NAV2: variants seen among roughly 807,000 people sequenced by gnomAD.
The protein encoded by NAV2 is neuron navigator 2.
In NAV2, 54 loss-of-function variants were observed where a neutral mutation model predicts 223.2. The ratio of observed to expected loss-of-function variants is 0.24; its 90% CI spans 0.19 to 0.30. The LOEUF (loss-of-function observed/expected upper bound fraction) is 0.30, where lower values mean the gene tolerates loss of function less well. Ranked by LOEUF, NAV2 falls within the 10% of genes least tolerant of loss-of-function variation. NAV2 has a pLI of 1.00. For synonymous variants in NAV2, 1,279 were observed against 1,239.3 expected, an observed-to-expected ratio of 1.03 and a Z score of -0.67; for missense variants, 2,806 against 3,147.5, an observed-to-expected ratio of 0.89 and a Z score of 2.60.
At chr11:19,354,698 G>T (rs761849929) in intron 1 of NAV2, among the ~76,000 whole-genome samples, 1 of 152,246 alleles carries the variant, frequency 6.6e-6, no homozygotes, top group Non-Finnish European at 1.5e-5. Flanking sequence ...AGCCACAGAT[G>T]CATAAGGTAT....
In NAV2 at chr11:19,998,570, T is replaced by C. The variant is rs2052187661; in HGVS notation, c.2768+14323T>C. Among the ~76,000 whole-genome samples, 1 of 152,164 alleles carries C rather than the reference T, an allele frequency of 6.6e-6. No individual in the cohort carries two copies. The highest frequency in any genetic ancestry group is 2.1e-4 in the South Asian group (1 of 4,834). On this transcript the variant is annotated intron_variant, in intron 11 of 37. Transcript: ENST00000349880. The surrounding 1 kb of genome is among the most constrained non-coding windows in gnomAD (Gnocchi z 5.0). Reference sequence around the variant, plus strand: ...CCAAGGGGGTGTGTGTTCTGGCCCCTGCGCACCTCTCCAGCCTCACCTCAT... The same window carrying C: ...CCAAGGGGGTGTGTGTTCTGGCCCCCGCGCACCTCTCCAGCCTCACCTCAT...
At chr11:19,736,990 C>G (rs145227634) in intron 1 of NAV2, among the ~76,000 whole-genome samples, 2 of 152,378 alleles carry the variant, frequency 1.3e-5, no homozygotes, top group African/African-American at 4.8e-5. Context: ...CACACAATCT[C>G]ATGAAAGAAC....
chr11:19,559,790 G>A (rs1304013454), intron 1 of NAV2, among the ~76,000 whole-genome samples: 3 of 152,124 alleles, frequency 2.0e-5, no homozygotes, highest in Non-Finnish European at 2.9e-5. Flanking sequence ...TGCTTTCTTC[G>A]GAAGCTTCTG....
rs114899877 is a variant in NAV2, at chr11:19,930,266, C to T, written c.932-2910C>T. 3.9e-3 allele frequency among the ~76,000 whole-genome samples: 601 copies of T among 152,170 alleles called. 4 individuals carry two copies. The highest frequency in any genetic ancestry group is 0.014 in the African/African-American group (571 of 41,518). ...GCCAAGTATCTGTTTTCTTCTGGGT[C>T]AGTTATTAGCTACTTAGTTGGTTAA... On this transcript the variant is annotated intron_variant, in intron 6 of 37. Transcript: ENST00000349880.
chr11:19,734,766 C>T (rs555951970), intron 1 of NAV2, among the ~76,000 whole-genome samples: 1 of 152,184 alleles, frequency 6.6e-6, no homozygotes, highest in Admixed American at 6.5e-5. Context: ...TTCACACCAG[C>T]AGTGCCTGGA....
At chr11:19,358,155 T>C (rs1170370002) in intron 1 of NAV2, among the ~76,000 whole-genome samples, 3 of 152,112 alleles carry the variant, frequency 2.0e-5, no homozygotes, top group Non-Finnish European at 4.4e-5. Context: ...TTCTCATTGG[T>C]ATAATTAGAA....
intron 1 of NAV2, among the ~76,000 whole-genome samples, chr11:19,541,005 C>A (rs1350222376): frequency 1.3e-5 from 2 of 152,200 alleles, no homozygotes; most frequent in Non-Finnish European, 2.9e-5. Context: ...AGAAATCCTG[C>A]AGGAAAGAAT....
At position 19,556,061 on chromosome 11, in the gene NAV2, G is replaced by T. The variant is rs369889752; in HGVS notation, c.75+205034G>T. ...TTCACTCTTCTTCAATCCTCCATGTGCTGATTCCATGTGCTTGCAGCTCCC... is the reference window on the plus strand; with the variant it reads ...TTCACTCTTCTTCAATCCTCCATGTTCTGATTCCATGTGCTTGCAGCTCCC... On this transcript the variant is annotated intron_variant, in intron 1 of 37. Transcript: ENST00000360655. Among the ~76,000 whole-genome samples, 39 of 152,170 alleles carry T rather than the reference G, an allele frequency of 2.6e-4. 1 individual carries two copies. In the South Asian group the frequency reaches 5.8e-3, roughly 23 times the overall value.
At chr11:19,785,648 T>G (rs1377206997) in intron 1 of NAV2, among the ~76,000 whole-genome samples, 1 of 113,460 alleles carries the variant, frequency 8.8e-6, no homozygotes, top group African/African-American at 3.6e-5. Context: ...GTCAGCTGGC[T>G]TTTTTTTTTT....
At chr11:20,025,843 A>T (rs576727703) in intron 11 of NAV2, among the ~76,000 whole-genome samples, 1 of 152,194 alleles carries the variant, frequency 6.6e-6, no homozygotes, top group Non-Finnish European at 1.5e-5. Flanking sequence ...GAACTTAATC[A>T]TCTGTTTGAG....
intron 4 of NAV2, 49 bp downstream of exon 4, chr11:19,869,046 C>T: frequency 6.6e-7 from 1 of 1,524,822 alleles, no homozygotes; most frequent in Non-Finnish European, 9.1e-7. Flanking sequence ...ATTAGAAATG[C>T]CCACCTGTTA....
At chr11:19,662,652 G>A (rs2135740763) in intron 1 of NAV2, among the ~76,000 whole-genome samples, 1 of 152,374 alleles carries the variant, frequency 6.6e-6, no homozygotes, top group Middle Eastern at 3.4e-3. Flanking sequence ...GCCTGCCTGT[G>A]AGCCTTCTTT....
intron 1 of NAV2, among the ~76,000 whole-genome samples, chr11:19,668,526 C>T (rs1017555654): frequency 8.9e-5 from 7 of 78,624 alleles, no homozygotes; most frequent in East Asian, 4.8e-4. Context: ...GAATGAGACT[C>T]GGTCTCAAAA....
intron 1 of NAV2, among the ~76,000 whole-genome samples, chr11:19,627,356 T>A (rs928016116): frequency 6.6e-6 from 1 of 151,668 alleles, no homozygotes; most frequent in African/African-American, 2.4e-5. Context: ...ACCACTGCAC[T>A]CCAGCCTGGA....
At position 20,092,295 on chromosome 11, in the gene NAV2, C is replaced by T; in HGVS notation, c.5742C>T (p.Ser1914=). 3.7e-6 allele frequency: 6 copies of T among 1,614,122 alleles called. No homozygotes were observed. The highest frequency in any genetic ancestry group is 5.1e-6 in the Non-Finnish European group (6 of 1,180,012). The part of the protein sequence containing the change: ...SGCSRAPSQV[S]ISASPRQSMG... ...GCAGCCGGGCTCCTTCCCAAGTGTC[C>T]ATCTCTGCCTCCCCGAGGCAGTCCA... is the stretch of plus-strand genomic sequence containing the variant. Residue 1914 remains serine, a synonymous_variant, in exon 28 of 38, where the codon TCC becomes TCT. Transcript: ENST00000349880.
chr11:19,879,407 C>A (rs1013231516), intron 4 of NAV2, among the ~76,000 whole-genome samples: 1 of 152,060 alleles, frequency 6.6e-6, no homozygotes, highest in Non-Finnish European at 1.5e-5. Flanking sequence ...GAGAGTAGGA[C>A]GACTGGGGAA....
chr11:20,116,561 A>C (rs1045898714), intron 37 of NAV2, among the ~76,000 whole-genome samples: 1 of 152,238 alleles, frequency 6.6e-6, no homozygotes, highest in African/African-American at 2.4e-5. Context: ...AATAGAATTT[A>C]GTATATTTAG....
At chr11:19,617,681 T>A (rs1185698104) in intron 1 of NAV2, among the ~76,000 whole-genome samples, 1 of 152,196 alleles carries the variant, frequency 6.6e-6, no homozygotes, top group Non-Finnish European at 1.5e-5. Context: ...ATGGCCTCCC[T>A]GAGGAGACAG....
intron 1 of NAV2, among the ~76,000 whole-genome samples, chr11:19,659,870 G>C (rs1190022625): frequency 6.6e-6 from 1 of 152,104 alleles, no homozygotes; most frequent in Non-Finnish European, 1.5e-5. Flanking sequence ...CTACTTCACA[G>C]GGTTGTTGTG....
Sources: gnomAD v4.1 joint callset for allele counts (sites outside exome capture counted in the v4.1 genomes callset) on GRCh38, gnomAD v4.1.1 for gene constraint, Gnocchi (gnomAD v3.1) non-coding constraint, MANE v1.5 for transcripts, NCBI Gene and HGNC (gene_info 2026-07-23, HGNC 2026-07-21) for gene names.